Variants in ATF1 observed in about 807,000 individuals in gnomAD.
ATF1 encodes the protein cyclic AMP-dependent transcription factor ATF-1.
A neutral mutation model predicts 34.7 loss-of-function variants in ATF1; 16 were observed. The observed-to-expected ratio is 0.46, with a 90% CI of 0.31 to 0.70. ATF1 has a LOEUF of 0.70. Among genes scored for constraint, ATF1 ranks in the 30% least tolerant of loss-of-function variants. ATF1 has a pLI of 0.05. For synonymous variants in ATF1, 105 were observed against 113.1 expected (o/e 0.93, Z 0.46); for missense variants, 255 against 321.6 (o/e 0.79, Z 1.58).
chr12:50,793,350 G>C (rs1202206636), intron 2 of ATF1, among the ~76,000 whole-genome samples: 1 of 152,138 alleles, frequency 6.6e-6, no homozygotes, highest in Non-Finnish European at 1.5e-5. Flanking sequence ...TTATGGCCAG[G>C]TGCGGTGGCT....
chr12:50,815,037 G>C (rs922004123), intron 6 of ATF1, among the ~76,000 whole-genome samples: 34 of 151,968 alleles, frequency 2.2e-4, no homozygotes, highest in African/African-American at 7.7e-4. Context: ...CAGGAGAATG[G>C]CATGAATCTG....
At chr12:50,796,056 A>G (rs538717852) in intron 3 of ATF1, 47 bp downstream of exon 3, 18 of 1,465,234 alleles carry the variant, frequency 1.2e-5, no homozygotes, top group African/African-American at 1.4e-5. Context: ...ATAGTACCAA[A>G]TGAGTTCAAG....
chr12:50,772,653 G>A (rs1940804414), intron 1 of ATF1, among the ~76,000 whole-genome samples: 1 of 151,450 alleles, frequency 6.6e-6, no homozygotes. Context: ...AAGCTGGGGT[G>A]AGGTAACTGT....
Position 50,817,405 on chromosome 12 carries a change from G to GTTGCAACAGAATACACAAAGT in ATF1, c.672-2229_672-2209dup, listed in dbSNP as rs543468261. On this transcript the variant is annotated intron_variant, in intron 6 of 6. Transcript: ENST00000262053. Reference sequence around the variant, plus strand: ...TTAGAAAAATTGAATGAAAAAACAAGTTGCAACAGAATACACAAAGTATGA... The same window carrying GTTGCAACAGAATACACAAAGT: ...TTAGAAAAATTGAATGAAAAAACAAGTTGCAACAGAATACACAAAGTTTGCAACAGAATACACAAAGTATGA... 7.9e-5 allele frequency among the ~76,000 whole-genome samples: 12 copies of GTTGCAACAGAATACACAAAGT among 152,190 alleles called. No homozygotes were observed. The South Asian group carries it at 2.5e-3, about 31-fold the overall frequency.
intron 1 of ATF1, among the ~76,000 whole-genome samples, chr12:50,771,006 T>C (rs769417730): frequency 2.6e-5 from 4 of 152,236 alleles, no homozygotes; most frequent in East Asian, 1.9e-4. Context: ...ACTCTTTTTT[T>C]TTTCTTTCTT....
chr12:50,793,434 G>C (rs1288203234), intron 2 of ATF1, among the ~76,000 whole-genome samples: 2 of 151,948 alleles, frequency 1.3e-5, no homozygotes, highest in Non-Finnish European at 2.9e-5. Flanking sequence ...GACCAGCCTG[G>C]CCAACATGGT....
intron 1 of ATF1, among the ~76,000 whole-genome samples, chr12:50,770,426 G>C (rs756371863): frequency 2.0e-5 from 3 of 151,914 alleles, no homozygotes; most frequent in Non-Finnish European, 2.9e-5. Context: ...CTGTCCAGGA[G>C]CCCCAAGTTA....
At chr12:50,779,487 C>T (rs1004817390) in intron 1 of ATF1, among the ~76,000 whole-genome samples, 1 of 150,742 alleles carries the variant, frequency 6.6e-6, no homozygotes, top group African/African-American at 2.4e-5. Context: ...TTGTAGTTTT[C>T]AGTGCATTTC....
At chr12:50,800,993 C>G (rs1001226533) in intron 3 of ATF1, among the ~76,000 whole-genome samples, 9 of 151,992 alleles carry the variant, frequency 5.9e-5, no homozygotes, top group Non-Finnish European at 8.8e-5. Flanking sequence ...CCCAGCTACT[C>G]GGGAGGCTGA....
At chr12:50,800,130 C>CAGT (rs765470569) in intron 3 of ATF1, among the ~76,000 whole-genome samples, 3 of 152,260 alleles carry the variant, frequency 2.0e-5, no homozygotes, top group East Asian at 3.9e-4. Flanking sequence ...ACATTACTTA[C>CAGT]AAGAGAACAT....
chr12:50,789,017 C>G (rs1341817415), intron 2 of ATF1, among the ~76,000 whole-genome samples: 1 of 151,892 alleles, frequency 6.6e-6, no homozygotes, highest in South Asian at 2.1e-4. Context: ...TTCAGGCATG[C>G]GTTACAGTGC....
At chr12:50,776,032 G>A (rs1000596742) in intron 1 of ATF1, among the ~76,000 whole-genome samples, 12 of 152,086 alleles carry the variant, frequency 7.9e-5, no homozygotes, top group African/African-American at 2.4e-5. Context: ...TAAAAATTAG[G>A]CTGGGCACGG....
chr12:50,782,298 C>T (rs993125080), intron 2 of ATF1, among the ~76,000 whole-genome samples: 2 of 152,114 alleles, frequency 1.3e-5, no homozygotes, highest in Non-Finnish European at 2.9e-5. Context: ...CTCTGTCGCC[C>T]AGGCTGGAGT....
chr12:50,791,743 C>T (rs1416897822), intron 2 of ATF1, among the ~76,000 whole-genome samples: 1 of 152,064 alleles, frequency 6.6e-6, no homozygotes, highest in African/African-American at 2.4e-5. Flanking sequence ...TCTCTGTTAA[C>T]TGAAAATATT....
chr12:50,811,663 G>T (rs183317684), intron 4 of ATF1, among the ~76,000 whole-genome samples: 1 of 151,328 alleles, frequency 6.6e-6, no homozygotes, highest in African/African-American at 2.4e-5. Flanking sequence ...GGGCATCATG[G>T]CATGTGACTA....
rs762836758 is a variant in ATF1 at position 50,780,205 on chromosome 12, T to G, written c.60T>G (p.Val20=). 1 of 1,613,880 alleles carries G rather than the reference T, an allele frequency of 6.2e-7. No individual in the cohort carries two copies. The highest frequency in any genetic ancestry group is 8.5e-7 in the Non-Finnish European group (1 of 1,179,800). Residue 20 remains valine (V), a synonymous_variant, in exon 2 of 7, where the codon GTT becomes GTG. Coordinates refer to ENST00000262053, the MANE Select transcript of ATF1 (RefSeq NM_005171.5). The part of the protein sequence containing the change: ...SETAPQPGSA[V]QGAHISHIAQ... ...CAGCACCTCAACCTGGTTCAGCAGT[T>G]CAGGGAGCTCACATTTCTCATATTG...
chr12:50,766,381 A>G (rs538635863), intron 1 of ATF1, among the ~76,000 whole-genome samples: 21 of 152,252 alleles, frequency 1.4e-4, no homozygotes, highest in African/African-American at 3.9e-4. Flanking sequence ...GTTTGGCACT[A>G]TGGGATATTA....
intron 1 of ATF1, among the ~76,000 whole-genome samples, chr12:50,776,574 A>T (rs1417577683): frequency 2.6e-5 from 4 of 151,812 alleles, no homozygotes; most frequent in Non-Finnish European, 2.9e-5. Flanking sequence ...GATAACTCAT[A>T]CAACTAATGG....
At chr12:50,795,497 G>A (rs899503267) in intron 2 of ATF1, among the ~76,000 whole-genome samples, 1 of 152,022 alleles carries the variant, frequency 6.6e-6, no homozygotes, top group Non-Finnish European at 1.5e-5. Flanking sequence ...TTTAATATTC[G>A]TCTCAATGTC....
Sources: allele counts gnomAD v4.1 joint callset (sites outside exome capture counted in the v4.1 genomes callset), GRCh38; gene constraint gnomAD v4.1.1; transcripts MANE v1.5; gene names NCBI Gene and HGNC (gene_info 2026-07-23, HGNC 2026-07-21).